The following NCOA3 variants were observed in gnomAD, a reference collection of about 807,000 sequenced individuals.
The protein encoded by NCOA3 is nuclear receptor coactivator 3, also known as CBP-interacting protein.
Under a neutral mutation model 158.8 loss-of-function variants are expected in NCOA3, and 51 were observed. The ratio of observed to expected loss-of-function variants is 0.32; its 90% CI spans 0.26 to 0.41. The LOEUF is 0.41. Ranked by LOEUF, NCOA3 falls within the 10% of genes least tolerant of loss-of-function variation. NCOA3 has a pLI of 1.00. For missense variants in NCOA3, 1,510 were observed against 1,746.6 expected (o/e 0.86, Z 2.41); for synonymous variants, 537 against 592.4 (o/e 0.91, Z 1.36).
chr20:47,522,930 C>G (rs1320106623), intron 1 of NCOA3, among the ~76,000 whole-genome samples: 1 of 151,772 alleles, frequency 6.6e-6, no homozygotes, highest in African/African-American at 2.4e-5. Flanking sequence ...GTGGCTCACC[C>G]CTGTAATGCC....
chr20:47,632,577 G>A (rs2073459233), intron 8 of NCOA3, among the ~76,000 whole-genome samples: 1 of 151,848 alleles, frequency 6.6e-6, no homozygotes, highest in African/African-American at 2.4e-5. Flanking sequence ...TAATAGAGAT[G>A]GGGTTTCACC....
At chr20:47,530,507 G>C (rs2084527745) in intron 1 of NCOA3, among the ~76,000 whole-genome samples, 1 of 142,684 alleles carries the variant, frequency 7.0e-6, no homozygotes, top group South Asian at 2.2e-4. Context: ...CTGTCACCCA[G>C]GCTGTAGGGC....
chr20:47,558,769 A>G (rs2085052533), intron 1 of NCOA3, among the ~76,000 whole-genome samples: 1 of 149,214 alleles, frequency 6.7e-6, no homozygotes, highest in African/African-American at 2.5e-5. Context: ...TTTAGCTCTT[A>G]CATTTCTCTA....
At chr20:47,649,866 C>T (rs1251505165) in intron 19 of NCOA3, among the ~76,000 whole-genome samples, 1 of 151,994 alleles carries the variant, frequency 6.6e-6, no homozygotes, top group Non-Finnish European at 1.5e-5. Context: ...GAGCTGAAAT[C>T]AGCTTCCTTG....
chr20:47,583,158 T>C (rs1034110543), intron 1 of NCOA3, 25 bp from the exon 2 acceptor site: 3 of 398,474 alleles, frequency 7.5e-6, no homozygotes, highest in Non-Finnish European at 1.3e-5. Flanking sequence ...TAAAATTCAA[T>C]CCCTCCTCTT....
At chr20:47,535,237 A>C (rs2084613387) in intron 1 of NCOA3, among the ~76,000 whole-genome samples, 1 of 151,840 alleles carries the variant, frequency 6.6e-6, no homozygotes, top group African/African-American at 2.4e-5. Context: ...CCCTAGGGGG[A>C]GCATGCAGAC....
intron 2 of NCOA3, among the ~76,000 whole-genome samples, chr20:47,621,126 A>C (rs1841772011): frequency 1.3e-5 from 2 of 152,166 alleles, no homozygotes; most frequent in Non-Finnish European, 1.5e-5. Flanking sequence ...TTACAACCAA[A>C]GTTATAGAAT....
intron 1 of NCOA3, among the ~76,000 whole-genome samples, chr20:47,539,574 A>G (rs2084689674): frequency 6.6e-6 from 1 of 152,130 alleles, no homozygotes; most frequent in South Asian, 2.1e-4. Flanking sequence ...TGGTTTTTCC[A>G]TTTTATAGCT....
intron 2 of NCOA3, among the ~76,000 whole-genome samples, chr20:47,603,848 G>A (rs953522681): frequency 1.3e-5 from 2 of 152,080 alleles, no homozygotes; most frequent in Admixed American, 6.6e-5. Flanking sequence ...CGGGGGCTTG[G>A]GGTTTATATG....
intron 10 of NCOA3, 98 bp downstream of exon 10, chr20:47,634,293 A>G (rs1187002403): frequency 1.5e-5 from 18 of 1,220,352 alleles, no homozygotes; most frequent in Non-Finnish European, 2.1e-5. Flanking sequence ...AATGAGACAA[A>G]ATTTAGGAAG....
intron 1 of NCOA3, among the ~76,000 whole-genome samples, chr20:47,528,442 T>C (rs372189707): frequency 1.2e-4 from 18 of 152,338 alleles, no homozygotes; most frequent in African/African-American, 4.1e-4. Flanking sequence ...ATAAACCTAA[T>C]GAAAAGTTGC....
intron 1 of NCOA3, among the ~76,000 whole-genome samples, chr20:47,533,787 TG>T (rs921034354): frequency 7.9e-5 from 12 of 152,206 alleles, no homozygotes; most frequent in Admixed American, 6.5e-4. Context: ...TAGCCCAGCA[TG>T]GTGGCAGGTG....
intron 1 of NCOA3, among the ~76,000 whole-genome samples, chr20:47,535,209 G>A (rs760346751): frequency 2.6e-5 from 4 of 151,932 alleles, no homozygotes; most frequent in African/African-American, 7.3e-5. Flanking sequence ...CACTTCTTCC[G>A]TGCCTCGCTG....
chr20:47,620,073 C>G lies in NCOA3; in HGVS notation c.-19-2156C>G, dbSNP rs531323266. On this transcript the variant is annotated intron_variant, in intron 2 of 22. Coordinates refer to ENST00000371998, the MANE Select transcript of NCOA3 (RefSeq NM_181659.3). Reference sequence around the variant, plus strand: ...CCTCCCAAAGTGGTGGGATTACAGGCGTGAGCCACTGCACCTGGCTCTTTA... The same window carrying G: ...CCTCCCAAAGTGGTGGGATTACAGGGGTGAGCCACTGCACCTGGCTCTTTA... Among the ~76,000 whole-genome samples the G allele has an allele frequency of 4.5e-4, 67 of 147,298 alleles. 1 individual carries two copies. In the Middle Eastern group the frequency reaches 0.011, roughly 23 times the overall value.
Position 47,649,073 on chromosome 20 carries a change from G to A in NCOA3, c.3615G>A (p.Val1205=), listed in dbSNP as rs1602544621. 1.4e-5 allele frequency: 23 copies of A among 1,614,062 alleles called. No individual in the cohort carries two copies. Among genetic ancestry groups the A allele is most frequent in the Non-Finnish European group, 1.9e-5 (22 of 1,179,964 alleles). ...ACCCTACTGCTGGTGGTGCTGCGGT[G>A]ATGAGGCCTATGATGCAGCCCCAGG... ...MENPTAGGAA[V]MRPMMQPQVS... The change falls in exon 19 of 23, where the codon GTG becomes GTA. Residue 1205 remains valine (V), a synonymous_variant. Transcript: ENST00000371998.
chr20:47,607,220 GT>G (rs1298182504), intron 2 of NCOA3, among the ~76,000 whole-genome samples: 1 of 152,176 alleles, frequency 6.6e-6, no homozygotes, highest in Non-Finnish European at 1.5e-5. Flanking sequence ...TGCCTGTTTG[GT>G]GTAAGGATTA....
In NCOA3 at chr20:47,654,022, C is replaced by T. The variant is rs1437974642; in HGVS notation, c.*605C>T. 2 of 152,556 alleles carry T rather than the reference C, an allele frequency of 1.3e-5. No homozygotes were observed. The highest frequency in any genetic ancestry group is 2.9e-5 in the Non-Finnish European group (2 of 68,092). The allele number at this position is 152,556 out of a possible 1,614,324, so 9.5% of individuals were successfully genotyped here. A position where few individuals can be genotyped will look rare whatever the true frequency, so the allele number is the denominator to read the frequency against. Reference sequence around the variant, plus strand: ...GCCATTCATGTCCTGTAATACTTCACCTCCAGGAACTGTCATGGATGTCCA... The same window carrying T: ...GCCATTCATGTCCTGTAATACTTCATCTCCAGGAACTGTCATGGATGTCCA... On this transcript the variant is annotated 3_prime_UTR_variant, in exon 23 of 23. Coordinates refer to ENST00000371998, the MANE Select transcript of NCOA3 (RefSeq NM_181659.3).
At chr20:47,503,897 A>C (rs1208808552) in intron 1 of NCOA3, among the ~76,000 whole-genome samples, 2 of 152,184 alleles carry the variant, frequency 1.3e-5, no homozygotes, top group Non-Finnish European at 2.9e-5. Context: ...TTATAGGGGC[A>C]TTTTATGTAT....
intron 1 of NCOA3, among the ~76,000 whole-genome samples, chr20:47,566,588 C>T (rs573689830): frequency 4.6e-5 from 7 of 151,764 alleles, no homozygotes; most frequent in East Asian, 2.0e-4. Context: ...TTCAGCTCAC[C>T]GCACCCTCAA....
Sources: gnomAD v4.1 joint callset for allele counts (sites outside exome capture counted in the v4.1 genomes callset) on GRCh38, gnomAD v4.1.1 for gene constraint, MANE v1.5 for transcripts, NCBI Gene and HGNC (gene_info 2026-07-23, HGNC 2026-07-21) for gene names.